Variants in CSMD1 observed in about 807,000 individuals in gnomAD.
CSMD1 encodes CUB and sushi domain-containing protein 1.
CSMD1 carries 213 observed loss-of-function variants against 417.5 expected under a neutral mutation model. That is an observed-to-expected ratio of 0.51 (90% CI 0.46 to 0.57). The LOEUF (loss-of-function observed/expected upper bound fraction) is 0.57, where lower values mean the gene tolerates loss of function less well. Ranked by LOEUF, CSMD1 falls within the 20% of genes least tolerant of loss-of-function variation. The probability of loss-of-function intolerance (pLI) is 0.00; values close to 1 mark genes in which losing one functional copy is unlikely to be tolerated. For missense variants in CSMD1, 6,923 were observed against 4,529.7 expected (o/e 1.53, Z -15.17); for synonymous variants, 2,862 against 1,736.8 (o/e 1.65, Z -16.11).
At position 3,631,346 on chromosome 8, in the gene CSMD1, A is replaced by C. The variant is rs7003037; in HGVS notation, c.1010-14549T>G. Among the ~76,000 whole-genome samples, 663 of 152,270 alleles carry C rather than the reference A, an allele frequency of 4.4e-3. 10 individuals are homozygous for C. Among genetic ancestry groups the C allele is most frequent in the African/African-American group, 0.015 (637 of 41,552 alleles). On this transcript the variant is annotated intron_variant, in intron 7 of 69. Coordinates refer to ENST00000635120, the MANE Select transcript of CSMD1 (RefSeq NM_033225.6). ...GTTCTCATTCTGAGTCTGCACAGAG[A>C]CTGTCACACAGTAAGAAAGCAACAC...
At chr8:4,706,807 T>A (rs1447365229) in intron 1 of CSMD1, among the ~76,000 whole-genome samples, 2 of 152,236 alleles carry the variant, frequency 1.3e-5, no homozygotes, top group Middle Eastern at 3.2e-3. Flanking sequence ...AGTGCTTGAC[T>A]TGTGTCAGAT....
intron 1 of CSMD1, among the ~76,000 whole-genome samples, chr8:4,725,886 G>A (rs1809401719): frequency 1.3e-5 from 2 of 152,150 alleles, no homozygotes; most frequent in South Asian, 2.1e-4. Context: ...GACCCTGGTT[G>A]TGGGACTGGG....
intron 10 of CSMD1, among the ~76,000 whole-genome samples, chr8:3,497,433 G>A (rs913373483): frequency 1.3e-5 from 2 of 151,928 alleles, no homozygotes; most frequent in Admixed American, 6.6e-5. Flanking sequence ...TTTAGACACA[G>A]TCTTGCTCTG....
At chr8:3,346,892 T>G (rs1808039916) in intron 22 of CSMD1, among the ~76,000 whole-genome samples, 1 of 152,244 alleles carries the variant, frequency 6.6e-6, no homozygotes, top group African/African-American at 2.4e-5. Context: ...AAGAGCCACG[T>G]GTTCCTTTCT....
At chr8:3,286,786 T>C (rs1803194979) in intron 25 of CSMD1, among the ~76,000 whole-genome samples, 1 of 152,196 alleles carries the variant, frequency 6.6e-6, no homozygotes, top group Non-Finnish European at 1.5e-5. Flanking sequence ...GTGTTGACTC[T>C]GATGGTAGTT....
intron 6 of CSMD1, among the ~76,000 whole-genome samples, chr8:3,746,203 T>A (rs1797059088): frequency 6.6e-6 from 1 of 152,226 alleles, no homozygotes. Context: ...TTAGGACTGA[T>A]ATGCTGAAAG....
At chr8:3,362,143 T>C (rs1210488418) in intron 20 of CSMD1, among the ~76,000 whole-genome samples, 1 of 152,158 alleles carries the variant, frequency 6.6e-6, no homozygotes, top group Non-Finnish European at 1.5e-5. Flanking sequence ...AAGAATGAGA[T>C]AAACAACCAA....
intron 50 of CSMD1, among the ~76,000 whole-genome samples, chr8:3,033,388 T>C (rs879384720): frequency 3.3e-5 from 5 of 152,118 alleles, no homozygotes; most frequent in African/African-American, 7.2e-5. Context: ...TACTGATTGT[T>C]AGAAAGAGAC....
intron 3 of CSMD1, among the ~76,000 whole-genome samples, chr8:4,263,435 G>C (rs778964489): frequency 5.9e-4 from 90 of 152,246 alleles, no homozygotes; most frequent in Non-Finnish European, 4.9e-4. Context: ...CATCGTATGG[G>C]ACTGCTTTTA....
At chr8:4,382,168 A>G (rs1210014169) in intron 3 of CSMD1, among the ~76,000 whole-genome samples, 1 of 152,192 alleles carries the variant, frequency 6.6e-6, no homozygotes, top group Non-Finnish European at 1.5e-5. Flanking sequence ...TCTTCATGGG[A>G]TGTTATTATA....
rs78940802 is a variant in CSMD1 at position 3,527,603 on chromosome 8, C to T, written c.1345-33877G>A. ...AGAACTCTATACACACACACACACA[C>T]GGGCATCTAAGAGTCCATGAATCTG... is the stretch of plus-strand genomic sequence containing the variant. On this transcript the variant is annotated intron_variant, in intron 10 of 69. Transcript: ENST00000635120. 4.1e-3 allele frequency among the ~76,000 whole-genome samples: 630 copies of T among 152,132 alleles called. 6 individuals are homozygous for T. Among genetic ancestry groups the T allele is most frequent in the Non-Finnish European group, 7.2e-3 (487 of 67,992 alleles).
chr8:4,721,062 C>G (rs1239975555), intron 1 of CSMD1, among the ~76,000 whole-genome samples: 1 of 152,110 alleles, frequency 6.6e-6, no homozygotes, highest in East Asian at 1.9e-4. Context: ...TAATAATAAA[C>G]CTCTCAAGAG....
At chr8:4,729,093 A>G (rs533258435) in intron 1 of CSMD1, among the ~76,000 whole-genome samples, 11 of 152,202 alleles carry the variant, frequency 7.2e-5, no homozygotes, top group Non-Finnish European at 7.3e-5. Context: ...TCAGCCCTAA[A>G]TTATTTCCAT....
At chr8:4,139,170 T>G (rs79987535) in intron 3 of CSMD1, among the ~76,000 whole-genome samples, 2 of 152,062 alleles carry the variant, frequency 1.3e-5, no homozygotes, top group Admixed American at 1.3e-4. Flanking sequence ...ATGAAACCCT[T>G]TACTTAAACT....
intron 3 of CSMD1, among the ~76,000 whole-genome samples, chr8:4,187,561 C>T (rs75004000): frequency 6.2e-4 from 93 of 150,874 alleles, no homozygotes; most frequent in African/African-American, 2.2e-3. Flanking sequence ...GGAGAATCGC[C>T]TGAACCCAGG....
At chr8:4,678,581 A>C (rs1246051457) in intron 1 of CSMD1, among the ~76,000 whole-genome samples, 1 of 152,194 alleles carries the variant, frequency 6.6e-6, no homozygotes, top group East Asian at 1.9e-4. Flanking sequence ...TATATTCAGA[A>C]ATTAAGTGAA....
intron 3 of CSMD1, among the ~76,000 whole-genome samples, chr8:4,211,420 T>A (rs1800303648): frequency 6.6e-6 from 1 of 152,252 alleles, no homozygotes; most frequent in African/African-American, 2.4e-5. Flanking sequence ...CATCACTGAA[T>A]TTTGTCTACA....
At chr8:4,912,804 G>GA (rs199793885) in intron 1 of CSMD1, among the ~76,000 whole-genome samples, 376 of 151,662 alleles carry the variant, frequency 2.5e-3, no homozygotes, top group African/African-American at 8.7e-3. Context: ...TTGGAGGGGG[G>GA]GCACAGAGTC....
At chr8:3,725,511 T>C (rs979589335) in intron 6 of CSMD1, among the ~76,000 whole-genome samples, 1 of 152,130 alleles carries the variant, frequency 6.6e-6, no homozygotes, top group African/African-American at 2.4e-5. Context: ...TGTGTATGTG[T>C]GTGTGTATGT....
Sources: gnomAD v4.1 joint callset for allele counts (sites outside exome capture counted in the v4.1 genomes callset) on GRCh38, gnomAD v4.1.1 for gene constraint, MANE v1.5 for transcripts, NCBI Gene and HGNC (gene_info 2026-07-23, HGNC 2026-07-21) for gene names.